Variants in RNF8 observed in about 807,000 individuals in gnomAD.
The protein encoded by RNF8 is E3 ubiquitin-protein ligase RNF8.
A neutral mutation model predicts 59.3 loss-of-function variants in RNF8; 8 were observed. The ratio of observed to expected loss-of-function variants is 0.13; its 90% CI spans 0.08 to 0.24. RNF8 has a LOEUF of 0.24. RNF8 is among the 10% of genes least tolerant of loss of function. RNF8 has a pLI of 1.00. For missense variants in RNF8, 406 were observed against 572.6 expected, an observed-to-expected ratio of 0.71 and a Z score of 2.97; for synonymous variants, 162 against 200.0, an observed-to-expected ratio of 0.81 and a Z score of 1.60.
intron 7 of RNF8, among the ~76,000 whole-genome samples, chr6:37,384,393 C>A (rs1382923265): frequency 6.6e-6 from 1 of 152,118 alleles, no homozygotes; most frequent in African/African-American, 2.4e-5. Flanking sequence ...GTACCCCGCT[C>A]CGCCCCCCAA....
In RNF8 at chr6:37,391,605, T is replaced by G. The variant is rs2113838100; in HGVS notation, c.*847T>G. On this transcript the variant is annotated 3_prime_UTR_variant, in exon 8 of 8. Coordinates refer to ENST00000373479, the MANE Select transcript of RNF8 (RefSeq NM_003958.4). The stretch of plus-strand genomic sequence containing the variant: ...GATGTGCTTTTTTCTTTATTTTTCT[T>G]TTACATTAGAAGTTTTCTCTCTTTT... The G allele has an allele frequency of 1.3e-5, 2 of 152,324 alleles. No individual in the cohort carries two copies. Among genetic ancestry groups the G allele is most frequent in the Middle Eastern group, 6.8e-3 (2 of 294 alleles). The allele number at this position is 152,324 out of a possible 1,614,324, so 9.4% of individuals were successfully genotyped here. A position where few individuals can be genotyped will look rare whatever the true frequency, so the allele number is the denominator to read the frequency against.
rs1308479849 is a variant in RNF8, at chr6:37,384,415, TAC to T, written c.1441+3063_1441+3064del. On this transcript the variant is annotated intron_variant, in intron 7 of 7. Transcript: ENST00000373479. Reference sequence around the variant, plus strand: ...GCTCCGCCCCCCAAAGTGCTGGGATTACAGGCATGAGCCACTGCGCCTGGCCC... The same window carrying T: ...GCTCCGCCCCCCAAAGTGCTGGGATTAGGCATGAGCCACTGCGCCTGGCCC... 3.3e-5 allele frequency among the ~76,000 whole-genome samples: 5 copies of T among 152,320 alleles called. No individual in the cohort carries two copies. In the East Asian group the frequency reaches 5.8e-4, roughly 18 times the overall value.
rs957611705 is a variant in RNF8 at position 37,391,984 on chromosome 6, C to T, written c.*1226C>T. 1.3e-5 allele frequency: 2 copies of T among 152,536 alleles called. No individual in the cohort carries two copies. Among genetic ancestry groups the T allele is most frequent in the African/African-American group, 4.8e-5 (2 of 41,486 alleles). The allele number at this position is 152,536 out of a possible 1,614,324, so 9.4% of individuals were successfully genotyped here. ...ATGTATTTTCATAAAGGGTTGGAAACTATTGATTGCCAACTTTTTAAGGAT... is the reference window on the plus strand; with the variant it reads ...ATGTATTTTCATAAAGGGTTGGAAATTATTGATTGCCAACTTTTTAAGGAT... On this transcript the variant is annotated 3_prime_UTR_variant, in exon 8 of 8. Coordinates refer to ENST00000373479, the MANE Select transcript of RNF8 (RefSeq NM_003958.4).
rs569434669 is a variant in RNF8, at chr6:37,385,623, C to T, written c.1441+4269C>T. On this transcript the variant is annotated intron_variant, in intron 7 of 7. Transcript: ENST00000373479. ...GCCTGGGCAGAGTGAGACTTCGTCT[C>T]AAAAAAACGAAAAAGAAGAAGAAAA... Among the ~76,000 whole-genome samples, 351 of 150,996 alleles carry T rather than the reference C, an allele frequency of 2.3e-3. 2 individuals carry two copies. The highest frequency in any genetic ancestry group is 7.5e-3 in the African/African-American group (308 of 41,228).
At position 37,369,361 on chromosome 6, in the gene RNF8, T is replaced by C. The variant is rs997326715; in HGVS notation, c.975+143T>C. The C allele has an allele frequency of 5.8e-6, 6 of 1,037,768 alleles. No homozygotes were observed. The African/African-American group carries it at 9.7e-5, about 17-fold the overall frequency. The allele number at this position is 1,037,768 out of a possible 1,614,324, so 64.3% of individuals were successfully genotyped here. On this transcript the variant is annotated intron_variant, in intron 3 of 7. Coordinates refer to ENST00000373479, the MANE Select transcript of RNF8 (RefSeq NM_003958.4). ...AGGAAATGGAATGGGAACAGTAAAC[T>C]TTTGAGATAAGGGAAGGGGATTGAG...
At chr6:37,387,633 C>T (rs1171703631) in intron 7 of RNF8, among the ~76,000 whole-genome samples, 2 of 152,164 alleles carry the variant, frequency 1.3e-5, no homozygotes, top group African/African-American at 2.4e-5. Context: ...TGCGCCACCA[C>T]GCCCAGTCCT....
rs1410410620 is a variant in RNF8 at position 37,393,781 on chromosome 6, G to C, written c.*3023G>C. The C allele has an allele frequency of 6.6e-6, 1 of 152,234 alleles. No individual in the cohort carries two copies. The highest frequency in any genetic ancestry group is 1.5e-5 in the Non-Finnish European group (1 of 68,056). The allele number at this position is 152,234 out of a possible 1,614,324, so 9.4% of individuals were successfully genotyped here. Reference sequence around the variant, plus strand: ...TTGCATAGCTGGATACCCATCATCTGTTTCTCTGATTGGAAGCTGCTGTTG... The same window carrying C: ...TTGCATAGCTGGATACCCATCATCTCTTTCTCTGATTGGAAGCTGCTGTTG... On this transcript the variant is annotated 3_prime_UTR_variant, in exon 8 of 8. Coordinates refer to ENST00000373479, the MANE Select transcript of RNF8 (RefSeq NM_003958.4).
intron 2 of RNF8, among the ~76,000 whole-genome samples, chr6:37,367,187 C>T (rs952042664): frequency 6.6e-6 from 1 of 152,154 alleles, no homozygotes; most frequent in Non-Finnish European, 1.5e-5. Flanking sequence ...CATATGTTAT[C>T]TCATTAAATC....
Position 37,368,513 on chromosome 6 carries a change from G to A in RNF8, c.270G>A (p.Ala90=), listed in dbSNP as rs768864523. 59 of 1,614,060 alleles carry A rather than the reference G, an allele frequency of 3.7e-5. 1 individual carries two copies. Among genetic ancestry groups the A allele is most frequent in the South Asian group, 3.5e-4 (32 of 91,074 alleles). The part of the protein sequence containing the change: ...KSLNGVWLNR[A]RLEPLRVYSI... ...TAAATGGTGTTTGGCTGAACAGAGCGCGTCTGGAACCTTTAAGGGTCTATT... is the reference window on the plus strand; with the variant it reads ...TAAATGGTGTTTGGCTGAACAGAGCACGTCTGGAACCTTTAAGGGTCTATT... The change falls in exon 3 of 8, where the codon GCG becomes GCA. Residue 90 remains alanine, a synonymous_variant. Transcript: ENST00000373479.
At chr6:37,388,139 G>A (rs113622597) in intron 7 of RNF8, among the ~76,000 whole-genome samples, 241 of 152,324 alleles carry the variant, frequency 1.6e-3, no homozygotes, top group South Asian at 0.014. Context: ...GGCCAGTGAT[G>A]ATGGTGGCTA....
chr6:37,370,860 A>G (rs921936654), intron 3 of RNF8, among the ~76,000 whole-genome samples: 1 of 152,118 alleles, frequency 6.6e-6, no homozygotes, highest in African/African-American at 2.4e-5. Flanking sequence ...TTTTCAGTCA[A>G]TATAGTAAAT....
At chr6:37,390,581 G>T (rs145019768) in intron 7 of RNF8, among the ~76,000 whole-genome samples, 161 bp from the exon 8 acceptor site, 1 of 152,298 alleles carries the variant, frequency 6.6e-6, no homozygotes, top group Admixed American at 6.5e-5. Flanking sequence ...GGAATGAGGA[G>T]TGGGCTTTGA....
At chr6:37,389,444 C>G (rs559103217) in intron 7 of RNF8, among the ~76,000 whole-genome samples, 1 of 151,750 alleles carries the variant, frequency 6.6e-6, no homozygotes, top group African/African-American at 2.4e-5. Flanking sequence ...GGAGGACCAC[C>G]ACCAAAAGAA....
At position 37,369,017 on chromosome 6, in the gene RNF8, G is replaced by A; in HGVS notation, c.774G>A (p.Arg258=). 2 of 1,614,164 alleles carry A rather than the reference G, an allele frequency of 1.2e-6. No individual in the cohort carries two copies. Among genetic ancestry groups the A allele is most frequent in the South Asian group, 1.1e-5 (1 of 91,072 alleles). Residue 258 remains arginine, a synonymous_variant, in exon 3 of 8, where the codon AGG becomes AGA. Transcript: ENST00000373479. ...AGGTGACCATGTCCAGGATTCTGAG[G>A]CTCAAAATACAGATGCAGGAAAAAC... ...MFKVTMSRIL[R]LKIQMQEKHE... is the part of the protein sequence containing the mutation.
At chr6:37,377,554 CT>C (rs1770075028) in intron 6 of RNF8, among the ~76,000 whole-genome samples, 1 of 152,108 alleles carries the variant, frequency 6.6e-6, no homozygotes, top group Admixed American at 6.6e-5. Context: ...CTTCACTGTC[CT>C]TTTTTGGCAT....
chr6:37,382,491 G>A (rs1217296711), intron 7 of RNF8, among the ~76,000 whole-genome samples: 1 of 152,108 alleles, frequency 6.6e-6, no homozygotes, highest in African/African-American at 2.4e-5. Flanking sequence ...GAGGCTTTGT[G>A]AATTTTTTTT....
intron 1 of RNF8, among the ~76,000 whole-genome samples, chr6:37,357,730 A>G (rs938813632): frequency 6.6e-5 from 10 of 152,216 alleles, no homozygotes; most frequent in African/African-American, 2.4e-4. Context: ...ATGAGTTCCA[A>G]CTGCTGCTCC....
chr6:37,364,816 G>A (rs1769479349), intron 2 of RNF8, among the ~76,000 whole-genome samples: 1 of 152,032 alleles, frequency 6.6e-6, no homozygotes, highest in Non-Finnish European at 1.5e-5. Context: ...TTTTGCCCAG[G>A]CTGGAGTGCA....
intron 6 of RNF8, among the ~76,000 whole-genome samples, chr6:37,380,626 G>A (rs562782286): frequency 6.0e-5 from 9 of 149,706 alleles, no homozygotes; most frequent in Admixed American, 4.0e-4. Flanking sequence ...AGCCGAGATC[G>A]CGCCACTGCA....
Sources: allele counts gnomAD v4.1 joint callset (sites outside exome capture counted in the v4.1 genomes callset), GRCh38; gene constraint gnomAD v4.1.1; transcripts MANE v1.5; gene names NCBI Gene and HGNC (gene_info 2026-07-23, HGNC 2026-07-21).